The following ZNF808 variants were observed in gnomAD, a reference collection of about 807,000 sequenced individuals.
The protein encoded by ZNF808 is zinc finger protein 808.
A neutral mutation model predicts 8.7 loss-of-function variants in ZNF808; 5 were observed. The ratio of observed to expected loss-of-function variants is 0.58; its 90% CI spans 0.30 to 1.21. ZNF808 has a LOEUF of 1.21. Ranked by LOEUF, ZNF808 falls within the 50% of genes most tolerant of loss-of-function variation. The probability of loss-of-function intolerance (pLI) is 0.07; values close to 1 mark genes in which losing one functional copy is unlikely to be tolerated. For missense variants in ZNF808, 1,103 were observed against 1,098.4 expected, an observed-to-expected ratio of 1.00 and a Z score of -0.06; for synonymous variants, 380 against 366.0, an observed-to-expected ratio of 1.04 and a Z score of -0.44.
chr19:52,535,376 A>T (rs891111013), intron 2 of ZNF808, among the ~76,000 whole-genome samples: 1 of 144,758 alleles, frequency 6.9e-6, no homozygotes, highest in Non-Finnish European at 1.5e-5. Flanking sequence ...GAAAAGAGCG[A>T]GGGAGAGACG....
Position 52,543,248 on chromosome 19 carries a change from A to T in ZNF808, c.-19-18A>T. On this transcript the variant is annotated intron_variant, in intron 2 of 4. Coordinates refer to ENST00000359798, the MANE Select transcript of ZNF808 (RefSeq NM_001039886.4). ...TGAGTCATTTCTAACATGAAGTCTT[A>T]TTTTTTTTCACATACAGGATTGATT... The T allele has an allele frequency of 6.2e-7, 1 of 1,607,350 alleles. No homozygotes were observed. The highest frequency in any genetic ancestry group is 2.2e-5 in the East Asian group (1 of 44,772).
intron 3 of ZNF808, 41 bp downstream of exon 3, chr19:52,543,388 T>C (rs756040108): frequency 1.2e-6 from 2 of 1,601,484 alleles, no homozygotes; most frequent in East Asian, 2.2e-5. Context: ...GTCTCTTTCC[T>C]TTCTGAAATG....
In ZNF808 at chr19:52,543,192, CG is replaced by C; in HGVS notation, c.-19-72del. 5 of 1,493,442 alleles carry C rather than the reference CG, an allele frequency of 3.3e-6. No homozygotes were observed. The South Asian group carries it at 6.1e-5, about 18-fold the overall frequency. The allele number at this position is 1,493,442 out of a possible 1,614,324, so 92.5% of individuals were successfully genotyped here. ...CTTCTTTCTACAGGGTGACATCTCC[CG>C]GTTCATGTGGTTTTGTCACAGGAAG... is the stretch of plus-strand genomic sequence containing the variant. On this transcript the variant is annotated intron_variant, in intron 2 of 4. Transcript: ENST00000359798.
intron 4 of ZNF808, among the ~76,000 whole-genome samples, chr19:52,549,344 A>G (rs2059753225): frequency 1.3e-5 from 2 of 152,112 alleles, no homozygotes; most frequent in Admixed American, 1.3e-4. Context: ...CCCATGGTCT[A>G]CTGTACTCTT....
chr19:52,535,444 C>T (rs1180047447), intron 2 of ZNF808, among the ~76,000 whole-genome samples: 2 of 152,114 alleles, frequency 1.3e-5, no homozygotes, highest in Non-Finnish European at 2.9e-5. Context: ...GCCTGGACCC[C>T]CAGGTTCAGC....
In ZNF808 at chr19:52,554,743, T is replaced by A; in HGVS notation, c.1827T>A (p.Ala609=). ...ACDKVFGQKS[A]LESHKRIHTG... is the part of the protein sequence containing the mutation. ...ACAAAGTTTTTGGTCAGAAATCAGC[T>A]CTTGAGTCACATAAGAGAATTCATA... is the stretch of plus-strand genomic sequence containing the variant. The change falls in exon 5 of 5, where the codon GCT becomes GCA. Residue 609 remains alanine (A), a synonymous_variant. Transcript: ENST00000359798. The A allele has an allele frequency of 6.2e-7, 1 of 1,613,288 alleles. No homozygotes were observed.
rs751090519 is a variant in ZNF808 at position 52,553,919 on chromosome 19, G to C, written c.1003G>C (p.Ala335Pro). 3 of 1,613,700 alleles carry C rather than the reference G, an allele frequency of 1.9e-6. No individual in the cohort carries two copies. The African/African-American group carries it at 4.0e-5, about 22-fold the overall frequency. ...RQNSALVIHK[A>P]IHTGEKPYKC... ...AAATTCAGCCCTTGTAATTCATAAG[G>C]CAATTCATACTGGAGAGAAACCTTA... Residue 335 changes from alanine (A) to proline (P), a missense_variant, in exon 5 of 5, where the codon GCA (alanine) becomes CCA (proline). Ala to Pro is a conservative substitution (Grantham distance 27, BLOSUM62 -1). Coordinates refer to ENST00000359798, the MANE Select transcript of ZNF808 (RefSeq NM_001039886.4).
chr19:52,531,328 G>A (rs1008652718), intron 1 of ZNF808, among the ~76,000 whole-genome samples: 7 of 151,680 alleles, frequency 4.6e-5, no homozygotes, highest in Admixed American at 6.6e-5. Context: ...CAAAATTAGT[G>A]TGTAGGTGTG....
downstream of ZNF808, among the ~76,000 whole-genome samples, chr19:52,561,239 T>TAC (rs1555770333): frequency 0.014 from 1,892 of 132,814 alleles, 54 homozygotes; most frequent in African/African-American, 0.045. Flanking sequence ...TATATATATA[T>TAC]ACACTTTTTT....
At chr19:52,556,970 CT>C (rs1284172859), downstream of ZNF808, among the ~76,000 whole-genome samples, 1 of 151,878 alleles carries the variant, frequency 6.6e-6, no homozygotes, top group Non-Finnish European at 1.5e-5. Context: ...TATTCTTTTG[CT>C]TTGTTTGTTT....
At chr19:52,551,197 C>G (rs2059773236) in intron 4 of ZNF808, among the ~76,000 whole-genome samples, 1 of 152,024 alleles carries the variant, frequency 6.6e-6, no homozygotes, top group Admixed American at 6.6e-5. Flanking sequence ...AGTAAAAATA[C>G]AAAAATTAGC....
intron 2 of ZNF808, among the ~76,000 whole-genome samples, chr19:52,543,014 A>T (rs978165541): frequency 6.6e-6 from 1 of 151,812 alleles, no homozygotes; most frequent in African/African-American, 2.4e-5. Context: ...AGGGGGCATC[A>T]GTGCAGCCCA....
intron 2 of ZNF808, among the ~76,000 whole-genome samples, chr19:52,534,846 G>A (rs963765211): frequency 2.0e-5 from 3 of 151,968 alleles, no homozygotes; most frequent in East Asian, 1.9e-4. Flanking sequence ...CCACGATCTC[G>A]CAACTGCACC....
intron 2 of ZNF808, among the ~76,000 whole-genome samples, chr19:52,533,592 C>T (rs985326600): frequency 2.0e-5 from 3 of 151,742 alleles, no homozygotes; most frequent in African/African-American, 7.3e-5. Flanking sequence ...CGCAGTGGCT[C>T]ACGCCTGTAA....
At position 52,547,457 on chromosome 19, in the gene ZNF808, A is replaced by G. The variant is rs550044015; in HGVS notation, c.64-55A>G. 15 of 1,609,728 alleles carry G rather than the reference A, an allele frequency of 9.3e-6. No homozygotes were observed. In the African/African-American group the frequency reaches 1.5e-4, roughly 16 times the overall value. The stretch of plus-strand genomic sequence containing the variant: ...ATTTTCCCTTTTCTCATTTCCTGTG[A>G]AGGTGATAACTCAATCCTCCATAAT... On this transcript the variant is annotated intron_variant, in intron 3 of 4. Transcript: ENST00000359798.
downstream of ZNF808, among the ~76,000 whole-genome samples, chr19:52,560,869 T>C (rs747165572): frequency 3.3e-5 from 5 of 152,170 alleles, no homozygotes; most frequent in Admixed American, 6.6e-5. Context: ...ACATGGTACA[T>C]TGATTTGGAT....
Position 52,554,700 on chromosome 19 carries a change from A to G in ZNF808, c.1784A>G (p.Tyr595Cys). ...AGACTTCATACTGGAGAGAAACCTT[A>G]CAAATGTGAAGCATGTGACAAAGTT... Reference protein sequence around the residue: ...HRRLHTGEKPYKCEACDKVFG... With the variant: ...HRRLHTGEKPCKCEACDKVFG... The change falls in exon 5 of 5, where the codon TAC (tyrosine) becomes TGC (cysteine). Residue 595 changes from tyrosine to cysteine, a missense_variant. By Grantham distance (194) the Tyr-to-Cys change is radical. Coordinates refer to ENST00000359798, the MANE Select transcript of ZNF808 (RefSeq NM_001039886.4). 1 of 1,614,030 alleles carries G rather than the reference A, an allele frequency of 6.2e-7. No homozygotes were observed. The highest frequency in any genetic ancestry group is 8.5e-7 in the Non-Finnish European group (1 of 1,179,974).
chr19:52,563,695 C>T (rs1387307366), exon 4 of ZNF808: 1 of 154,510 alleles, frequency 6.5e-6, no homozygotes, highest in Non-Finnish European at 1.4e-5. Flanking sequence ...CATGAAGCGG[C>T]AGGCAGACCA....
At chr19:52,535,371 G>C (rs935391927) in intron 2 of ZNF808, among the ~76,000 whole-genome samples, 1 of 148,682 alleles carries the variant, frequency 6.7e-6, no homozygotes, top group Non-Finnish European at 1.5e-5. Flanking sequence ...AAAAGGAAAA[G>C]AGCGAGGGAG....
Sources: allele counts gnomAD v4.1 joint callset (sites outside exome capture counted in the v4.1 genomes callset), GRCh38; gene constraint gnomAD v4.1.1; transcripts MANE v1.5; gene names NCBI Gene and HGNC (gene_info 2026-07-23, HGNC 2026-07-21).